The following ANO6 variants were observed in gnomAD, a reference collection of about 807,000 sequenced individuals.
The protein encoded by ANO6 is anoctamin 6, also known as anoctamin-6.
Under a neutral mutation model 117.5 loss-of-function variants are expected in ANO6, and 106 were observed. The observed-to-expected ratio is 0.90, with a 90% confidence interval of 0.77 to 1.06. ANO6 has a LOEUF of 1.06. Ranked by LOEUF, ANO6 falls within the 50% of genes least tolerant of loss-of-function variation. The pLI is 0.00. For synonymous variants in ANO6, 367 were observed against 385.1 expected (o/e 0.95, Z 0.55); for missense variants, 955 against 1,121.1 (o/e 0.85, Z 2.12).
intron 1 of ANO6, among the ~76,000 whole-genome samples, chr12:45,257,132 G>A (rs1036982957): frequency 2.6e-5 from 4 of 152,136 alleles, no homozygotes; most frequent in Admixed American, 6.5e-5. Flanking sequence ...CTCTCTTGGC[G>A]TGCCTGCTTC....
downstream of ANO6, among the ~76,000 whole-genome samples, chr12:45,436,120 T>A (rs1271163943): frequency 6.6e-6 from 1 of 152,128 alleles, no homozygotes; most frequent in East Asian, 1.9e-4. Context: ...ACTTGATGAA[T>A]AACAGCTTCC....
chr12:45,235,133 T>A (rs1454625537), intron 1 of ANO6, among the ~76,000 whole-genome samples: 2 of 152,262 alleles, frequency 1.3e-5, no homozygotes, highest in Non-Finnish European at 2.9e-5. Flanking sequence ...AATCACCCTC[T>A]TGCCCTGGAA....
chr12:45,302,483 G>A (rs1466347326), intron 2 of ANO6, among the ~76,000 whole-genome samples: 1 of 152,126 alleles, frequency 6.6e-6, no homozygotes, highest in South Asian at 2.1e-4. Context: ...CACTGGTAGC[G>A]AACATAGTCT....
chr12:45,348,740 G>A (rs919529085), intron 6 of ANO6, 109 bp downstream of exon 6: 6 of 829,508 alleles, frequency 7.2e-6, no homozygotes, highest in Admixed American at 3.7e-5. Context: ...GTAAAATGAA[G>A]GGAACATACT....
chr12:45,366,117 T>A (rs77285339), intron 8 of ANO6, among the ~76,000 whole-genome samples: 1 of 27,310 alleles, frequency 3.7e-5, no homozygotes, highest in Non-Finnish European at 5.9e-5. Flanking sequence ...TTACTTGGGT[T>A]TTTTTTTTTT....
chr12:45,322,191 T>TA (rs1317594658), intron 2 of ANO6, among the ~76,000 whole-genome samples: 2 of 152,050 alleles, frequency 1.3e-5, no homozygotes, highest in Non-Finnish European at 2.9e-5. Context: ...CAGAGGGTGA[T>TA]ACGAGAAGAG....
intron 1 of ANO6, among the ~76,000 whole-genome samples, chr12:45,284,944 TTC>T (rs1938860027): frequency 1.3e-5 from 2 of 152,232 alleles, no homozygotes; most frequent in Non-Finnish European, 2.9e-5. Flanking sequence ...TATATGTCAT[TTC>T]TGTTATTTCT....
intron 1 of ANO6, among the ~76,000 whole-genome samples, chr12:45,242,927 A>G (rs1565641040): frequency 1.3e-5 from 2 of 152,224 alleles, no homozygotes; most frequent in Non-Finnish European, 2.9e-5. Flanking sequence ...ATATTTTGCA[A>G]ACATGTATAG....
intron 10 of ANO6, among the ~76,000 whole-genome samples, chr12:45,378,954 A>G (rs537208536): frequency 1.3e-5 from 2 of 152,292 alleles, no homozygotes; most frequent in African/African-American, 4.8e-5. Context: ...TTACCACTAT[A>G]TATTATTTAC....
chr12:45,416,553 A>C (rs1943218263), intron 16 of ANO6, 146 bp from the exon 17 acceptor site: 5 of 725,522 alleles, frequency 6.9e-6, no homozygotes, highest in Non-Finnish European at 1.2e-5. Context: ...GAATTCTTTC[A>C]CTGTTGAACA....
chr12:45,439,774 G>A lies in ANO6; in HGVS notation c.2626G>A (p.Asp876Asn), dbSNP rs142698881. The A allele has an allele frequency of 4.3e-3, 6,722 of 1,549,808 alleles. 58 individuals are homozygous for A. Among genetic ancestry groups the A allele is most frequent in the African/African-American group, 0.027 (1,973 of 72,678 alleles). Residue 876 changes from aspartate to asparagine, a missense_variant, in exon 20 of 20, where the codon GAT becomes AAT. Coordinates refer to the ANO6 transcript ENST00000425752. ...CTGCTGTATGTGTTATAGGTTTGTC[G>A]ATGAAATTAGACTTTTGGAACAACT...
At chr12:45,260,863 C>T (rs1260803876) in intron 1 of ANO6, among the ~76,000 whole-genome samples, 1 of 152,086 alleles carries the variant, frequency 6.6e-6, no homozygotes, top group Non-Finnish European at 1.5e-5. Flanking sequence ...TCTTGGCTCA[C>T]CACAGCCTCA....
At chr12:45,243,452 G>A (rs1947776531) in intron 1 of ANO6, among the ~76,000 whole-genome samples, 1 of 152,150 alleles carries the variant, frequency 6.6e-6, no homozygotes, top group East Asian at 1.9e-4. Context: ...TGATAACCTG[G>A]AGTAAAGCAT....
At chr12:45,321,934 T>C (rs977980805) in intron 2 of ANO6, among the ~76,000 whole-genome samples, 2 of 152,134 alleles carry the variant, frequency 1.3e-5, no homozygotes, top group African/African-American at 4.8e-5. Flanking sequence ...ATCAAGAACA[T>C]TCTTAAGGGA....
intron 1 of ANO6, among the ~76,000 whole-genome samples, chr12:45,294,528 A>G (rs1032482012): frequency 1.5e-4 from 23 of 152,200 alleles, no homozygotes; most frequent in African/African-American, 5.5e-4. Context: ...GATGGGAAAG[A>G]CAGAGAACTG....
chr12:45,356,329 T>C (rs1941409927), intron 7 of ANO6, among the ~76,000 whole-genome samples: 1 of 152,096 alleles, frequency 6.6e-6, no homozygotes, highest in Admixed American at 6.5e-5. Flanking sequence ...TACAAATTAG[T>C]GGTTTTTTTT....
chr12:45,314,408 A>G (rs1023068014), intron 2 of ANO6, among the ~76,000 whole-genome samples: 2 of 149,362 alleles, frequency 1.3e-5, no homozygotes, highest in Non-Finnish European at 3.0e-5. Flanking sequence ...CAGGAGTTCA[A>G]AACCAGCCTG....
Position 45,317,113 on chromosome 12 carries a change from G to GTGTGTGTGTATATACATATATATA in ANO6, c.151-14181_151-14180insGTGTGTGTATATACATATATATAT. On this transcript the variant is annotated intron_variant, in intron 2 of 19. Coordinates refer to ENST00000320560, the MANE Select transcript of ANO6 (RefSeq NM_001025356.3). ...AAAGACAGCTGGATTCTTTTTATAT[G>GTGTGTGTGTATATACATATATATA]TATATATATATATATATATTTATTA... 1.1e-4 allele frequency among the ~76,000 whole-genome samples: 7 copies of GTGTGTGTGTATATACATATATATA among 66,444 alleles called. 1 individual carries two copies. Among genetic ancestry groups the GTGTGTGTGTATATACATATATATA allele is most frequent in the Non-Finnish European group, 2.6e-4 (7 of 27,178 alleles). The allele number at this position is 66,444 out of a possible 152,430, so 43.6% of individuals were successfully genotyped here. A position where few individuals can be genotyped will look rare whatever the true frequency, so the allele number is the denominator to read the frequency against.
chr12:45,218,462 A>G (rs1947349662), intron 1 of ANO6, among the ~76,000 whole-genome samples: 3 of 134,294 alleles, frequency 2.2e-5, no homozygotes, highest in African/African-American at 5.9e-5. Context: ...TGATGTGGTC[A>G]TGGCTTATTA....
Sources: gnomAD v4.1 joint callset for allele counts (sites outside exome capture counted in the v4.1 genomes callset) on GRCh38, gnomAD v4.1.1 for gene constraint, MANE v1.5 for transcripts, NCBI Gene and HGNC (gene_info 2026-07-23, HGNC 2026-07-21) for gene names.